The following AGBL1 variants were observed in gnomAD, a reference collection of about 807,000 sequenced individuals.
AGBL1 encodes cytosolic carboxypeptidase 4.
A neutral mutation model predicts 118.9 loss-of-function variants in AGBL1; 130 were observed. The ratio of observed to expected loss-of-function variants is 1.09; its 90% CI spans 0.95 to 1.26. The LOEUF (loss-of-function observed/expected upper bound fraction) is 1.26, where lower values mean the gene tolerates loss of function less well. AGBL1 is among the 50% of genes most tolerant of loss of function. The probability of loss-of-function intolerance (pLI) is 0.00; values close to 1 mark genes in which losing one functional copy is unlikely to be tolerated. For missense variants in AGBL1, 1,584 were observed against 1,298.1 expected (o/e 1.22, Z -3.38); for synonymous variants, 555 against 478.9 (o/e 1.16, Z -2.08).
chr15:86,359,183 A>G (rs1470722537), intron 17 of AGBL1, among the ~76,000 whole-genome samples: 1 of 151,670 alleles, frequency 6.6e-6, no homozygotes, highest in Non-Finnish European at 1.5e-5. Context: ...AACTGTTTTG[A>G]GTTGATTTTT....
At chr15:86,821,088 A>C (rs892130031) in intron 22 of AGBL1, among the ~76,000 whole-genome samples, 2 of 152,118 alleles carry the variant, frequency 1.3e-5, no homozygotes, top group African/African-American at 2.4e-5. Flanking sequence ...CAGAAAACTA[A>C]ACACCACGTT....
At chr15:86,338,688 G>A (rs1359088276) in intron 17 of AGBL1, among the ~76,000 whole-genome samples, 1 of 152,118 alleles carries the variant, frequency 6.6e-6, no homozygotes. Context: ...AAGAAAGAAA[G>A]TCATCAAGGA....
chr15:86,534,111 A>AT (rs1361159899), intron 19 of AGBL1, among the ~76,000 whole-genome samples: 34 of 112,308 alleles, frequency 3.0e-4, no homozygotes, highest in African/African-American at 5.2e-4. Context: ...TTAAAGTATA[A>AT]TAAAAAAAAA....
chr15:86,286,932 C>G (rs2079464365), intron 16 of AGBL1, among the ~76,000 whole-genome samples: 1 of 151,798 alleles, frequency 6.6e-6, no homozygotes, highest in Non-Finnish European at 1.5e-5. Context: ...TTTGAGGAAA[C>G]TTCATACTGT....
rs183863952 is a variant in AGBL1 at position 86,551,157 on chromosome 15, C to T, written c.2818-3204C>T. Among the ~76,000 whole-genome samples, 14 of 151,912 alleles carry T rather than the reference C, an allele frequency of 9.2e-5. No individual in the cohort carries two copies. In the East Asian group the frequency reaches 2.1e-3, roughly 23 times the overall value. On this transcript the variant is annotated intron_variant, in intron 20 of 22. Transcript: ENST00000614907. ...ATCTAAAATCAAGAATCTAAGCATCCACATTCAGAAACAAGAAAAATAAGT... is the reference window on the plus strand; with the variant it reads ...ATCTAAAATCAAGAATCTAAGCATCTACATTCAGAAACAAGAAAAATAAGT...
intron 22 of AGBL1, among the ~76,000 whole-genome samples, chr15:86,753,844 G>A (rs1317168206): frequency 1.3e-5 from 2 of 152,116 alleles, no homozygotes; most frequent in Non-Finnish European, 2.9e-5. Context: ...TGTCTCCCTT[G>A]CTTAGATGCA....
intron 23 of AGBL1, among the ~76,000 whole-genome samples, chr15:86,957,388 A>G (rs1229433365): frequency 6.6e-6 from 1 of 152,070 alleles, no homozygotes; most frequent in African/African-American, 2.4e-5. Context: ...ATTTGGGAAA[A>G]AGTTAAAATC....
At chr15:86,206,963 A>G (rs1032461975) in intron 5 of AGBL1, among the ~76,000 whole-genome samples, 1 of 152,228 alleles carries the variant, frequency 6.6e-6, no homozygotes, top group African/African-American at 2.4e-5. Flanking sequence ...TTAAGTCTTT[A>G]ATCCATCTTG....
intron 21 of AGBL1, among the ~76,000 whole-genome samples, chr15:86,640,994 C>T (rs2085180857): frequency 6.6e-6 from 1 of 151,678 alleles, no homozygotes; most frequent in South Asian, 2.1e-4. Flanking sequence ...TGCCTTTTGG[C>T]CATTTGCATT....
intron 17 of AGBL1, among the ~76,000 whole-genome samples, chr15:86,349,562 A>G (rs563893199): frequency 6.6e-6 from 1 of 152,294 alleles, no homozygotes; most frequent in South Asian, 2.1e-4. Context: ...TGCCTCTTTG[A>G]TTCCTTTAAT....
At chr15:86,600,026 C>G (rs987767056) in intron 21 of AGBL1, among the ~76,000 whole-genome samples, 6 of 152,122 alleles carry the variant, frequency 3.9e-5, no homozygotes, top group African/African-American at 1.4e-4. Flanking sequence ...AATTATGGTA[C>G]ACTTGATTTG....
At chr15:86,518,676 A>G (rs954118156) in intron 18 of AGBL1, among the ~76,000 whole-genome samples, 1 of 152,146 alleles carries the variant, frequency 6.6e-6, no homozygotes, top group Non-Finnish European at 1.5e-5. Context: ...CAAGGTAAAC[A>G]TAGGCAATAA....
intron 18 of AGBL1, among the ~76,000 whole-genome samples, chr15:86,515,355 G>A (rs1409189802): frequency 6.6e-6 from 1 of 152,004 alleles, no homozygotes; most frequent in African/African-American, 2.4e-5. Flanking sequence ...CTGGCTTTAG[G>A]AATGTGTGCA....
intron 18 of AGBL1, among the ~76,000 whole-genome samples, chr15:86,463,083 C>T (rs2082353794): frequency 6.6e-6 from 1 of 152,212 alleles, no homozygotes; most frequent in Admixed American, 6.5e-5. Flanking sequence ...TATTTCTCCA[C>T]ATCCTCTCCA....
rs2080366015 is a variant in AGBL1 at position 86,912,538 on chromosome 15, C to T, written c.*5244C>T. The T allele has an allele frequency of 6.6e-6, 1 of 152,152 alleles. No homozygotes were observed. The highest frequency in any genetic ancestry group is 6.5e-5 in the Admixed American group (1 of 15,292). The allele number at this position is 152,152 out of a possible 1,614,324, so 9.4% of individuals were successfully genotyped here. Reference sequence around the variant, plus strand: ...TTCCAGAAAGAGGATTCAGAGCCACCAAGAATATTTGAAATTAACCTGCTC... The same window carrying T: ...TTCCAGAAAGAGGATTCAGAGCCACTAAGAATATTTGAAATTAACCTGCTC... On this transcript the variant is annotated 3_prime_UTR_variant, in exon 23 of 23. Transcript: ENST00000614907.
chr15:86,131,271 G>A (rs1027520882), intron 1 of AGBL1, among the ~76,000 whole-genome samples: 4 of 152,114 alleles, frequency 2.6e-5, no homozygotes, highest in Non-Finnish European at 5.9e-5. Flanking sequence ...TTGGTAATAA[G>A]AGAGTTACTG....
chr15:86,422,950 T>C (rs552201828), intron 18 of AGBL1, among the ~76,000 whole-genome samples: 14 of 152,234 alleles, frequency 9.2e-5, no homozygotes, highest in African/African-American at 3.4e-4. Context: ...ACTTGATAGC[T>C]TACCAACCAA....
At chr15:86,502,465 C>A (rs985081738) in intron 18 of AGBL1, among the ~76,000 whole-genome samples, 5 of 151,366 alleles carry the variant, frequency 3.3e-5, no homozygotes, top group African/African-American at 9.7e-5. Context: ...ATCCACAATA[C>A]AATGTTGAAT....
intron 18 of AGBL1, among the ~76,000 whole-genome samples, chr15:86,439,438 T>A (rs918895744): frequency 5.3e-5 from 8 of 152,216 alleles, no homozygotes; most frequent in African/African-American, 1.9e-4. Context: ...CCCTGTATGG[T>A]ACATTTTAAT....
Sources: allele counts gnomAD v4.1 joint callset (sites outside exome capture counted in the v4.1 genomes callset), GRCh38; gene constraint gnomAD v4.1.1; transcripts MANE v1.5; gene names NCBI Gene and HGNC (gene_info 2026-07-23, HGNC 2026-07-21).